Variants in FHIT observed in about 807,000 individuals in gnomAD.
FHIT encodes the protein fragile histidine triad diadenosine triphosphatase.
In FHIT, 19 loss-of-function variants were observed where a neutral mutation model predicts 17.9. That is an observed-to-expected ratio of 1.06 (90% CI 0.74 to 1.56). The LOEUF is 1.56. FHIT is among the 40% of genes most tolerant of loss of function. The pLI is 0.00. For synonymous variants in FHIT, 81 were observed against 69.7 expected (o/e 1.16, Z -0.81); for missense variants, 248 against 189.2 (o/e 1.31, Z -1.82).
chr3:61,053,468 G>A (rs932465628), intron 2 of FHIT, among the ~76,000 whole-genome samples: 1 of 152,044 alleles, frequency 6.6e-6, no homozygotes, highest in African/African-American at 2.4e-5. Flanking sequence ...AGACCAGCCT[G>A]ACCACCATGG....
At chr3:59,883,276 C>T (rs1039769219) in intron 8 of FHIT, among the ~76,000 whole-genome samples, 2 of 152,118 alleles carry the variant, frequency 1.3e-5, no homozygotes, top group African/African-American at 4.8e-5. Flanking sequence ...AGGTTATATA[C>T]ATCTGTATTA....
At chr3:61,230,925 T>C (rs537161803) in intron 1 of FHIT, among the ~76,000 whole-genome samples, 1 of 152,228 alleles carries the variant, frequency 6.6e-6, no homozygotes, top group South Asian at 2.1e-4. Context: ...ATTTCAGAAC[T>C]GTGGATTCTA....
intron 8 of FHIT, among the ~76,000 whole-genome samples, chr3:59,852,228 G>A (rs965520697): frequency 1.3e-5 from 2 of 151,990 alleles, no homozygotes; most frequent in Non-Finnish European, 2.9e-5. Context: ...TTTGTTCTTC[G>A]GGTAGAGAGT....
intron 5 of FHIT, among the ~76,000 whole-genome samples, chr3:60,076,596 T>C (rs1703018759): frequency 6.6e-6 from 1 of 152,052 alleles, no homozygotes; most frequent in African/African-American, 2.4e-5. Flanking sequence ...ATACTGTGAT[T>C]AGCAATGCAT....
chr3:61,022,015 T>G (rs1036826663), intron 3 of FHIT, among the ~76,000 whole-genome samples: 1 of 151,732 alleles, frequency 6.6e-6, no homozygotes, highest in African/African-American at 2.4e-5. Context: ...TTGAAGGAGA[T>G]AGAGACACGA....
At chr3:60,792,099 GC>G (rs1239594237) in intron 4 of FHIT, among the ~76,000 whole-genome samples, 1 of 152,204 alleles carries the variant, frequency 6.6e-6, no homozygotes, top group African/African-American at 2.4e-5. Flanking sequence ...GTTGGGAGAT[GC>G]CCTGACGGCA....
At chr3:60,586,977 G>C (rs1357795441) in intron 4 of FHIT, among the ~76,000 whole-genome samples, 2 of 151,856 alleles carry the variant, frequency 1.3e-5, no homozygotes, top group African/African-American at 4.8e-5. Flanking sequence ...ACCTGCACCT[G>C]TACCCCTGAA....
At chr3:60,671,599 C>G (rs2040505765) in intron 4 of FHIT, among the ~76,000 whole-genome samples, 1 of 151,934 alleles carries the variant, frequency 6.6e-6, no homozygotes, top group African/African-American at 2.4e-5. Flanking sequence ...AAATCCCGCT[C>G]TTGATTCCTA....
chr3:60,279,630 A>G (rs1707332991), intron 5 of FHIT, among the ~76,000 whole-genome samples: 1 of 152,276 alleles, frequency 6.6e-6, no homozygotes, highest in East Asian at 1.9e-4. Context: ...AAAAACTAGA[A>G]ATTAATATCG....
At chr3:60,086,868 G>A (rs552951054) in intron 5 of FHIT, among the ~76,000 whole-genome samples, 1 of 152,306 alleles carries the variant, frequency 6.6e-6, no homozygotes, top group Admixed American at 6.5e-5. Flanking sequence ...TGCTGCTGCT[G>A]GTGGCTGTAT....
At chr3:60,606,425 G>A (rs2038610802) in intron 4 of FHIT, among the ~76,000 whole-genome samples, 3 of 152,128 alleles carry the variant, frequency 2.0e-5, no homozygotes, top group South Asian at 2.1e-4. Flanking sequence ...TGTTTTAGTA[G>A]AGATGGGGTT....
intron 4 of FHIT, among the ~76,000 whole-genome samples, chr3:60,572,061 T>C (rs192694870): frequency 1.1e-4 from 16 of 150,930 alleles, no homozygotes; most frequent in African/African-American, 3.7e-4. Flanking sequence ...CAGGCATTAC[T>C]TGAAGAAACT....
At chr3:60,984,978 G>A (rs556399432) in intron 3 of FHIT, among the ~76,000 whole-genome samples, 1 of 152,238 alleles carries the variant, frequency 6.6e-6, no homozygotes, top group South Asian at 2.1e-4. Context: ...GGATGGCAGA[G>A]ATTAGTACTA....
chr3:60,690,724 G>A, intron 4 of FHIT: 1 of 412,376 alleles, frequency 2.4e-6, no homozygotes, highest in Non-Finnish European at 4.8e-6. Flanking sequence ...GACCATAGCT[G>A]GTAATACGGG....
chr3:60,252,494 G>A (rs1705763861), intron 5 of FHIT, among the ~76,000 whole-genome samples: 1 of 152,076 alleles, frequency 6.6e-6, no homozygotes, highest in South Asian at 2.1e-4. Context: ...GCATAGGGGG[G>A]TCAAGGCTGC....
Position 60,880,263 on chromosome 3 carries a change from C to T in FHIT, c.-110-58252G>A, listed in dbSNP as rs563451338. 2.0e-5 allele frequency among the ~76,000 whole-genome samples: 3 copies of T among 152,280 alleles called. No homozygotes were observed. The South Asian group carries it at 6.2e-4, about 32-fold the overall frequency. On this transcript the variant is annotated intron_variant, in intron 3 of 9. Coordinates refer to ENST00000492590, the MANE Select transcript of FHIT (RefSeq NM_002012.4). The stretch of plus-strand genomic sequence containing the variant: ...GGAAAAAAACTGTCAGTCAAGGATA[C>T]TATATCCAGCAAATATATCCTTTAG...
At chr3:61,210,256 G>A (rs1338864287) in intron 1 of FHIT, among the ~76,000 whole-genome samples, 2 of 152,202 alleles carry the variant, frequency 1.3e-5, no homozygotes, top group African/African-American at 2.4e-5. Flanking sequence ...GGGGGTCAGG[G>A]ACCCACTTGA....
chr3:59,997,625 C>G (rs1490024438), intron 7 of FHIT, among the ~76,000 whole-genome samples: 1 of 152,120 alleles, frequency 6.6e-6, no homozygotes, highest in Non-Finnish European at 1.5e-5. Flanking sequence ...ACCTTAAAAA[C>G]TAATGTTGGT....
chr3:59,838,862 A>T (rs550937888), intron 8 of FHIT, among the ~76,000 whole-genome samples: 32 of 152,272 alleles, frequency 2.1e-4, no homozygotes, highest in Non-Finnish European at 1.0e-4. Context: ...CGGAAGTAGG[A>T]AACTGAAGCG....
Sources: gnomAD v4.1 joint callset for allele counts (sites outside exome capture counted in the v4.1 genomes callset) on GRCh38, gnomAD v4.1.1 for gene constraint, MANE v1.5 for transcripts, NCBI Gene and HGNC (gene_info 2026-07-23, HGNC 2026-07-21) for gene names.